Variants in IGHMBP2 observed in about 807,000 individuals in gnomAD.
IGHMBP2 encodes DNA-binding protein SMUBP-2.
IGHMBP2 carries 81 observed loss-of-function variants against 96.0 expected under a neutral mutation model. That is an observed-to-expected ratio of 0.84 (90% CI 0.71 to 1.01). The LOEUF (loss-of-function observed/expected upper bound fraction) is 1.01, where lower values mean the gene tolerates loss of function less well. IGHMBP2 is among the 50% of genes least tolerant of loss of function. The pLI is 0.00. For missense variants in IGHMBP2, 1,227 were observed against 1,306.3 expected (o/e 0.94, Z 0.94); for synonymous variants, 557 against 548.9 (o/e 1.01, Z -0.21).
At position 68,936,839 on chromosome 11, in the gene IGHMBP2, C is replaced by T. The variant is rs543060051; in HGVS notation, c.2359C>T (p.Pro787Ser). The T allele has an allele frequency of 1.9e-5, 30 of 1,613,508 alleles. No homozygotes were observed. In the Admixed American group the frequency reaches 2.0e-4, roughly 11 times the overall value. ...GTTCATCACTGTGAGCAAGAGGGCC[C>T]CGCGACCCCGAGCAGCCCTGGGACC... ...RRFITVSKRA[P>S]RPRAALGPPA... The change falls in exon 13 of 15, where the codon CCG (proline) becomes TCG (serine). Residue 787 changes from proline (P) to serine (S), a missense_variant. Around this residue, in one of 3 missense-constraint regions of IGHMBP2, gnomAD observed 703 missense variants for 770.3 expected, o/e 0.91. Coordinates refer to ENST00000255078, the MANE Select transcript of IGHMBP2 (RefSeq NM_002180.3).
At chr11:68,934,700 C>T in intron 11 of IGHMBP2, 142 bp downstream of exon 11, 1 of 729,636 alleles carries the variant, frequency 1.4e-6, no homozygotes, top group Non-Finnish European at 2.4e-6. Flanking sequence ...GGATCCAGGG[C>T]CCAAATGATG....
intron 7 of IGHMBP2, among the ~76,000 whole-genome samples, chr11:68,926,694 AT>A (rs1401881434): frequency 6.6e-6 from 1 of 152,168 alleles, no homozygotes; most frequent in African/African-American, 2.4e-5. Flanking sequence ...CATACTTAGA[AT>A]CGCTGATATT....
intron 8 of IGHMBP2, chr11:68,930,071 G>A: frequency 8.6e-7 from 1 of 1,165,324 alleles, no homozygotes; most frequent in Non-Finnish European, 1.1e-6. Flanking sequence ...CTGCCTGGGT[G>A]TGGCGGGCGT....
At chr11:68,907,460 C>T (rs1354733873) in intron 2 of IGHMBP2, among the ~76,000 whole-genome samples, 2 of 152,136 alleles carry the variant, frequency 1.3e-5, no homozygotes, top group South Asian at 2.1e-4. Context: ...CTTAACCACA[C>T]GCCTGGGATG....
chr11:68,929,085 T>C, intron 7 of IGHMBP2, 98 bp from the exon 8 acceptor site: 1 of 1,152,666 alleles, frequency 8.7e-7, no homozygotes, highest in South Asian at 1.2e-5. Flanking sequence ...AATGCAAGCC[T>C]TGATGAAACC....
At chr11:68,921,955 CTGAG>C (rs1394536953) in intron 7 of IGHMBP2, among the ~76,000 whole-genome samples, 1 of 152,222 alleles carries the variant, frequency 6.6e-6, no homozygotes, top group Non-Finnish European at 1.5e-5. Context: ...TGTCATCTGC[CTGAG>C]TATTTCTGAA....
At chr11:68,938,078 A>C in intron 13 of IGHMBP2, 104 bp from the exon 14 acceptor site, 9 of 1,287,302 alleles carry the variant, frequency 7.0e-6, no homozygotes, top group Non-Finnish European at 1.0e-5. Flanking sequence ...TGCTGGGATT[A>C]CAGGTGTGAG....
At chr11:68,916,755 AG>A (rs1472154058) in intron 6 of IGHMBP2, among the ~76,000 whole-genome samples, 1 of 151,396 alleles carries the variant, frequency 6.6e-6, no homozygotes, top group Non-Finnish European at 1.5e-5. Context: ...GCCTGCTGGG[AG>A]GGGGAGGAAG....
intron 6 of IGHMBP2, 148 bp from the exon 7 acceptor site, chr11:68,917,588 G>A (rs1264756309): frequency 8.7e-6 from 6 of 686,146 alleles, no homozygotes; most frequent in African/African-American, 1.8e-5. Context: ...TTGCGTGTGT[G>A]TATCTGTGTC....
At chr11:68,911,685 G>A in intron 5 of IGHMBP2, 82 bp downstream of exon 5, 2 of 1,328,958 alleles carry the variant, frequency 1.5e-6, no homozygotes, top group East Asian at 4.6e-5. Flanking sequence ...CGACCTTTCA[G>A]CCTCAGTTCT....
chr11:68,933,299 G>C lies in IGHMBP2; in HGVS notation c.1236G>C (p.Lys412Asn). The change falls in exon 9 of 15, where the codon AAG (lysine) becomes AAC (asparagine). Residue 412 changes from lysine (K) to asparagine (N), a missense_variant and splice_region_variant. Lys to Asn is a moderately conservative substitution (Grantham distance 94). Transcript: ENST00000255078. ...CCCCCTTTCTCCCTCCTGGGCGCAG[G>C]GCTGCGCTGGCAGGACTGTCACTCA... ...KQLPPTTVSH[K>N]AALAGLSLSL... is the part of the protein sequence containing the mutation. 1 of 1,611,792 alleles carries C rather than the reference G, an allele frequency of 6.2e-7. No homozygotes were observed. Among genetic ancestry groups the C allele is most frequent in the Non-Finnish European group, 8.5e-7 (1 of 1,179,538 alleles).
chr11:68,915,901 C>G (rs555941579), intron 6 of IGHMBP2, among the ~76,000 whole-genome samples: 1 of 151,960 alleles, frequency 6.6e-6, no homozygotes, highest in Admixed American at 6.6e-5. Context: ...CGGCCGGATA[C>G]AGTGGCTCAC....
rs1163010517 is a variant in IGHMBP2, at chr11:68,923,843, T to A, written c.1061-5340T>A. Among the ~76,000 whole-genome samples, 3 of 152,268 alleles carry A rather than the reference T, an allele frequency of 2.0e-5. No individual in the cohort carries two copies. The East Asian group carries it at 5.8e-4, about 29-fold the overall frequency. ...ATACCCAAGGGAATCTCGCAGCAGA[T>A]CTCTGGGGTTTTTTCTCTCTGTGTA... On this transcript the variant is annotated intron_variant, in intron 7 of 14. Coordinates refer to ENST00000255078, the MANE Select transcript of IGHMBP2 (RefSeq NM_002180.3).
In IGHMBP2 at chr11:68,936,770, G is replaced by A; in HGVS notation, c.2290G>A (p.Glu764Lys). 1 of 1,614,092 alleles carries A rather than the reference G, an allele frequency of 6.2e-7. No individual in the cohort carries two copies. The highest frequency in any genetic ancestry group is 8.5e-7 in the Non-Finnish European group (1 of 1,180,046). The change falls in exon 13 of 15, where the codon GAG becomes AAG. Residue 764 changes from glutamate to lysine, a missense_variant. By Grantham distance (56) the Glu-to-Lys change is moderately conservative. This residue lies in a region of IGHMBP2 where 703 missense variants were observed against 770.3 expected (regional missense o/e 0.91). Coordinates refer to ENST00000255078, the MANE Select transcript of IGHMBP2 (RefSeq NM_002180.3). Reference protein sequence around the residue: ...DRLRVHQIAEEHGLRHDSSGE... With the variant: ...DRLRVHQIAEKHGLRHDSSGE... ...GCTGCGGGTCCACCAAATAGCCGAG[G>A]AGCACGGGCTGAGGCACGACAGTTC...
In IGHMBP2 at chr11:68,915,166, C is replaced by CCTTTTTTTTTTTTTTTTTTTTTTT. The variant is rs1191505010; in HGVS notation, c.912+143_912+144insCTTTTTTTTTTTTTTTTTTTTTTT. On this transcript the variant is annotated intron_variant, in intron 6 of 14. Coordinates refer to ENST00000255078, the MANE Select transcript of IGHMBP2 (RefSeq NM_002180.3). The stretch of plus-strand genomic sequence containing the variant: ...TAATAATTTTAAAAATTGGGCTGCC[C>CCTTTTTTTTTTTTTTTTTTTTTTT]TTTTTTTTTTTTTTTTTTTTTTTTT... The CCTTTTTTTTTTTTTTTTTTTTTTT allele has an allele frequency of 1.7e-5, 3 of 176,576 alleles. 1 individual carries two copies. Among genetic ancestry groups the CCTTTTTTTTTTTTTTTTTTTTTTT allele is most frequent in the African/African-American group, 1.7e-4 (3 of 17,862 alleles). 10.9% of individuals were successfully genotyped at this position (176,576 alleles called of 1,614,324 possible).
At chr11:68,906,297 G>T in intron 2 of IGHMBP2, 59 bp downstream of exon 2, 1 of 1,553,154 alleles carries the variant, frequency 6.4e-7, no homozygotes, top group South Asian at 1.1e-5. Flanking sequence ...ACCGTGACTT[G>T]TACCCTCGTA....
At chr11:68,915,460 G>A (rs1425545758) in intron 6 of IGHMBP2, among the ~76,000 whole-genome samples, 27 of 150,718 alleles carry the variant, frequency 1.8e-4, no homozygotes, top group Non-Finnish European at 2.5e-4. Flanking sequence ...GATTACAGGC[G>A]TGAGCCACCA....
intron 5 of IGHMBP2, among the ~76,000 whole-genome samples, chr11:68,912,872 T>C (rs990412399): frequency 6.6e-6 from 1 of 151,118 alleles, no homozygotes; most frequent in Non-Finnish European, 1.5e-5. Context: ...AAACCCCGTC[T>C]CTACTAAAAA....
chr11:68,910,212 A>G (rs1232389149), intron 4 of IGHMBP2, among the ~76,000 whole-genome samples: 1 of 152,228 alleles, frequency 6.6e-6, no homozygotes, highest in Admixed American at 6.5e-5. Flanking sequence ...TTGTTTTTAA[A>G]TACTCATTTT....
Sources: allele counts gnomAD v4.1 joint callset (sites outside exome capture counted in the v4.1 genomes callset), GRCh38; gene constraint gnomAD v4.1.1; regional missense constraint gnomAD v4.1.1; transcripts MANE v1.5; gene names NCBI Gene and HGNC (gene_info 2026-07-23, HGNC 2026-07-21).